FAM107B: variants seen among roughly 807,000 people sequenced by gnomAD.
The protein encoded by FAM107B is family with sequence similarity 107 member B.
FAM107B carries 21 observed loss-of-function variants against 31.5 expected under a neutral mutation model. That is an observed-to-expected ratio of 0.67 (90% CI 0.47 to 0.96). The LOEUF (loss-of-function observed/expected upper bound fraction) is 0.96, where lower values mean the gene tolerates loss of function less well. Ranked by LOEUF, FAM107B falls within the 40% of genes least tolerant of loss-of-function variation. The pLI, the probability that FAM107B is intolerant of heterozygous loss-of-function variation, is 0.00. For missense variants in FAM107B, 452 were observed against 377.1 expected (o/e 1.20, Z -1.64); for synonymous variants, 157 against 141.5 (o/e 1.11, Z -0.78).
intron 2 of FAM107B, among the ~76,000 whole-genome samples, chr10:14,600,317 C>T (rs1852347911): frequency 6.6e-6 from 1 of 152,244 alleles, no homozygotes; most frequent in Admixed American, 6.5e-5. Context: ...TCCCGATCCA[C>T]CTTCAATCCC....
chr10:14,560,399 C>T (rs905233679), intron 2 of FAM107B, among the ~76,000 whole-genome samples: 2 of 152,088 alleles, frequency 1.3e-5, no homozygotes, highest in Non-Finnish European at 2.9e-5. Flanking sequence ...CTATATGAAG[C>T]AATAGGAAAC....
intron 1 of FAM107B, among the ~76,000 whole-genome samples, chr10:14,758,258 T>A (rs1386585862): frequency 6.6e-6 from 1 of 152,206 alleles, no homozygotes; most frequent in Non-Finnish European, 1.5e-5. Context: ...GGGAACTGTT[T>A]TCCTTAAGGA....
At chr10:14,604,382 T>C in intron 2 of FAM107B, 1 of 338,336 alleles carries the variant, frequency 3.0e-6, no homozygotes, top group Non-Finnish European at 4.1e-6. Flanking sequence ...CGCAAGCCAG[T>C]CCGGCGCAGG....
intron 1 of FAM107B, among the ~76,000 whole-genome samples, chr10:14,762,783 C>G (rs972958474): frequency 2.7e-5 from 4 of 150,900 alleles, no homozygotes; most frequent in African/African-American, 9.8e-5. Flanking sequence ...CACACACACA[C>G]ACACACACAC....
intron 2 of FAM107B, among the ~76,000 whole-genome samples, chr10:14,599,447 C>T (rs924101546): frequency 2.0e-5 from 3 of 152,326 alleles, no homozygotes; most frequent in Non-Finnish European, 2.9e-5. Context: ...GACTTACACA[C>T]GCCCCCAACA....
chr10:14,534,299 T>G (rs1261643127), intron 2 of FAM107B, among the ~76,000 whole-genome samples: 1 of 152,072 alleles, frequency 6.6e-6, no homozygotes, highest in African/African-American at 2.4e-5. Flanking sequence ...CTTGAGTCTT[T>G]GTACTCAGGG....
At chr10:14,717,157 T>A (rs1208740976) in intron 1 of FAM107B, among the ~76,000 whole-genome samples, 1 of 152,134 alleles carries the variant, frequency 6.6e-6, no homozygotes, top group Admixed American at 6.5e-5. Flanking sequence ...AGCAGAGTTA[T>A]TCTTATTAAT....
intron 2 of FAM107B, among the ~76,000 whole-genome samples, chr10:14,622,439 T>TG (rs1315437037): frequency 6.6e-6 from 1 of 151,980 alleles, no homozygotes; most frequent in African/African-American, 2.4e-5. Context: ...CCCGAGTAGC[T>TG]GGGACTACAG....
chr10:14,673,578 A>G (rs567135256), intron 1 of FAM107B, among the ~76,000 whole-genome samples: 2 of 152,268 alleles, frequency 1.3e-5, no homozygotes, highest in East Asian at 3.9e-4. Context: ...TGCTATTGTG[A>G]ATAGTGCTGC....
chr10:14,679,985 T>A (rs1169801025), intron 1 of FAM107B, among the ~76,000 whole-genome samples: 1 of 152,186 alleles, frequency 6.6e-6, no homozygotes, highest in African/African-American at 2.4e-5. Flanking sequence ...AGCTTGCAAA[T>A]GGCCTATTGT....
At chr10:14,721,823 T>C (rs895226965) in intron 1 of FAM107B, among the ~76,000 whole-genome samples, 11 of 152,364 alleles carry the variant, frequency 7.2e-5, no homozygotes, top group African/African-American at 2.6e-4. Context: ...GTAGTTTCTT[T>C]TGCTGTGCAG....
At chr10:14,755,917 G>A (rs1832921285) in intron 1 of FAM107B, among the ~76,000 whole-genome samples, 2 of 152,178 alleles carry the variant, frequency 1.3e-5, no homozygotes, top group South Asian at 4.1e-4. Flanking sequence ...GCACGTTGGT[G>A]GGGGACTAAA....
chr10:14,723,962 A>G (rs1296560208), intron 1 of FAM107B: 4 of 748,808 alleles, frequency 5.3e-6, no homozygotes, highest in Non-Finnish European at 9.8e-6. Flanking sequence ...TCCATTTGGA[A>G]GTCAAGGTTA....
At chr10:14,743,386 G>A (rs192110374) in intron 1 of FAM107B, among the ~76,000 whole-genome samples, 6 of 152,070 alleles carry the variant, frequency 3.9e-5, no homozygotes, top group African/African-American at 9.6e-5. Flanking sequence ...TTTCACCTTC[G>A]TTGCAATGGC....
At position 14,520,600 on chromosome 10, in the gene FAM107B, A is replaced by G. The variant is rs1476425537; in HGVS notation, c.*590T>C. On this transcript the variant is annotated 3_prime_UTR_variant, in exon 5 of 5. Transcript: ENST00000181796. ...CTTTTAAACTTCTCACCCTATTTCT[A>G]AATTAAGTGCCAACAAGGGTAGTGG... 1 of 152,214 alleles carries G rather than the reference A, an allele frequency of 6.6e-6. No individual in the cohort carries two copies. The highest frequency in any genetic ancestry group is 1.5e-5 in the Non-Finnish European group (1 of 68,038). The allele number at this position is 152,214 out of a possible 1,614,324, so 9.4% of individuals were successfully genotyped here.
At chr10:14,581,205 A>C (rs1851624923) in intron 2 of FAM107B, among the ~76,000 whole-genome samples, 1 of 152,220 alleles carries the variant, frequency 6.6e-6, no homozygotes, top group African/African-American at 2.4e-5. Context: ...GTTGCGCGTC[A>C]GATGTCGCAT....
intron 2 of FAM107B, among the ~76,000 whole-genome samples, chr10:14,619,245 G>T (rs1852932880): frequency 6.6e-6 from 1 of 152,120 alleles, no homozygotes; most frequent in South Asian, 2.1e-4. Flanking sequence ...AGGCAGTACG[G>T]TCAGTCGGTG....
chr10:14,623,216 G>A (rs1026288634), intron 2 of FAM107B, among the ~76,000 whole-genome samples: 3 of 152,042 alleles, frequency 2.0e-5, no homozygotes, highest in African/African-American at 7.2e-5. Context: ...GCACAACAAC[G>A]CAATAAAGCA....
intron 2 of FAM107B, among the ~76,000 whole-genome samples, chr10:14,656,953 C>A (rs7903263): frequency 0.63 from 96,432 of 151,898 alleles, 31,758 homozygotes; most frequent in Middle Eastern, 0.73. Flanking sequence ...AAGAATAGGT[C>A]ATACTAACTA....
Sources: allele counts gnomAD v4.1 joint callset (sites outside exome capture counted in the v4.1 genomes callset), GRCh38; gene constraint gnomAD v4.1.1; transcripts MANE v1.5; gene names NCBI Gene and HGNC (gene_info 2026-07-23, HGNC 2026-07-21).